TGFBR3: variants seen among roughly 807,000 people sequenced by gnomAD.
The protein encoded by TGFBR3 is transforming growth factor beta receptor type 3.
In TGFBR3, 46 loss-of-function variants were observed where a neutral mutation model predicts 87.9. The observed-to-expected ratio is 0.52, with a 90% CI of 0.41 to 0.67. The LOEUF is 0.67. Among genes scored for constraint, TGFBR3 ranks in the 30% least tolerant of loss-of-function variants. The pLI is 0.00. For synonymous variants in TGFBR3, 381 were observed against 391.6 expected, an observed-to-expected ratio of 0.97 and a Z score of 0.32; for missense variants, 866 against 1,041.9, an observed-to-expected ratio of 0.83 and a Z score of 2.32.
intron 1 of TGFBR3, among the ~76,000 whole-genome samples, chr1:91,900,618 G>T (rs534510378): frequency 6.6e-6 from 1 of 152,188 alleles, no homozygotes; most frequent in Non-Finnish European, 1.5e-5. Context: ...TCCACATCTT[G>T]ACCATTTCTA....
intron 3 of TGFBR3, among the ~76,000 whole-genome samples, chr1:91,762,261 A>C (rs1673994918): frequency 6.6e-6 from 1 of 152,166 alleles, no homozygotes; most frequent in Non-Finnish European, 1.5e-5. Context: ...CAAACCAAAC[A>C]AAAAACATCC....
chr1:91,893,275 T>C (rs1679485156), intron 2 of TGFBR3, among the ~76,000 whole-genome samples: 1 of 149,730 alleles, frequency 6.7e-6, no homozygotes, highest in Non-Finnish European at 1.5e-5. Context: ...GAAAGAAGAG[T>C]TTCTTAACTT....
chr1:91,801,042 C>T, intron 2 of TGFBR3: 1 of 207,196 alleles, frequency 4.8e-6, no homozygotes, highest in Non-Finnish European at 9.9e-6. Context: ...AAGATCGCGC[C>T]ATTGCACTCC....
intron 2 of TGFBR3, among the ~76,000 whole-genome samples, chr1:91,827,817 G>A (rs1159860453): frequency 1.3e-5 from 2 of 152,174 alleles, no homozygotes; most frequent in African/African-American, 2.4e-5. Context: ...CAAAGAGCTG[G>A]AAAGGAGCTG....
chr1:91,886,868 G>A (rs924572938), upstream of TGFBR3, among the ~76,000 whole-genome samples: 6 of 151,948 alleles, frequency 3.9e-5, no homozygotes, highest in Admixed American at 3.9e-4. Flanking sequence ...GGAGGTGGGC[G>A]CGATATGAAC....
At chr1:91,837,478 T>G (rs983512397) in intron 2 of TGFBR3, among the ~76,000 whole-genome samples, 2 of 152,122 alleles carry the variant, frequency 1.3e-5, no homozygotes, top group African/African-American at 4.8e-5. Context: ...ACTCCTGACC[T>G]CATGATCCAC....
intron 16 of TGFBR3, among the ~76,000 whole-genome samples, chr1:91,688,024 T>C (rs1671147110): frequency 6.6e-6 from 1 of 152,184 alleles, no homozygotes; most frequent in Non-Finnish European, 1.5e-5. Context: ...CTACCTTTAA[T>C]TTAGAGAAGT....
intron 16 of TGFBR3, among the ~76,000 whole-genome samples, chr1:91,693,585 G>T (rs1671335870): frequency 6.6e-6 from 1 of 152,204 alleles, no homozygotes; most frequent in Admixed American, 6.5e-5. Context: ...AGTGGGGCAT[G>T]TTCCAGTAGT....
chr1:91,806,994 T>C (rs1675859343), intron 2 of TGFBR3, among the ~76,000 whole-genome samples: 1 of 152,164 alleles, frequency 6.6e-6, no homozygotes, highest in Non-Finnish European at 1.5e-5. Flanking sequence ...AGAAGGAATG[T>C]TACCAACACA....
At chr1:91,824,075 A>G (rs1676546752) in intron 2 of TGFBR3, among the ~76,000 whole-genome samples, 2 of 152,228 alleles carry the variant, frequency 1.3e-5, no homozygotes, top group Admixed American at 6.5e-5. Flanking sequence ...GGGTGCAGTG[A>G]GCCGAGACTG....
rs761363032 is a variant in TGFBR3 at position 91,680,770 on chromosome 1, C to T, written c.*2969G>A. ...GTTACAGTACAAAAAGACTGGCACG[C>T]GTGTGAGCACCCCACACACACTCAC... On this transcript the variant is annotated 3_prime_UTR_variant, in exon 17 of 17. Transcript: ENST00000212355. 7.3e-5 allele frequency: 33 copies of T among 453,870 alleles called. No homozygotes were observed. The highest frequency in any genetic ancestry group is 2.6e-4 in the African/African-American group (13 of 49,930). 28.1% of individuals were successfully genotyped at this position (453,870 alleles called of 1,614,324 possible). A position where few individuals can be genotyped will look rare whatever the true frequency, so the allele number is the denominator to read the frequency against.
At chr1:91,799,069 C>T (rs191188915) in intron 2 of TGFBR3, among the ~76,000 whole-genome samples, 2 of 152,154 alleles carry the variant, frequency 1.3e-5, no homozygotes, top group African/African-American at 4.8e-5. Flanking sequence ...ATAGAACCCA[C>T]GAAAAAGGCC....
intron 3 of TGFBR3, among the ~76,000 whole-genome samples, chr1:91,774,735 A>G (rs1443315437): frequency 3.9e-5 from 6 of 152,154 alleles, no homozygotes; most frequent in Non-Finnish European, 7.3e-5. Flanking sequence ...CAATGTGTTA[A>G]ATATGCACTG....
In TGFBR3 at chr1:91,683,697, A is replaced by AGCTGGGCTGG. The variant is rs757760206; in HGVS notation, c.*32_*41dup. On this transcript the variant is annotated 3_prime_UTR_variant, in exon 17 of 17. Coordinates refer to ENST00000212355, the MANE Select transcript of TGFBR3 (RefSeq NM_003243.5). ...CCTGCCCTTGGCAGTAGCTGAGCTG[A>AGCTGGGCTGG]GCTGGGCTGGGCTGGGTTGGGCCGG... The AGCTGGGCTGG allele has an allele frequency of 1.5e-5, 22 of 1,478,472 alleles. No homozygotes were observed. Among genetic ancestry groups the AGCTGGGCTGG allele is most frequent in the East Asian group, 1.3e-4 (5 of 39,622 alleles). 91.6% of individuals were successfully genotyped at this position (1,478,472 alleles called of 1,614,324 possible). A position where few individuals can be genotyped will look rare whatever the true frequency, so the allele number is the denominator to read the frequency against.
intron 14 of TGFBR3, among the ~76,000 whole-genome samples, chr1:91,703,523 T>C (rs551616203): frequency 6.6e-6 from 1 of 152,298 alleles, no homozygotes; most frequent in Non-Finnish European, 1.5e-5. Flanking sequence ...TCACGGCAAA[T>C]TTTGGAATGA....
intron 3 of TGFBR3, among the ~76,000 whole-genome samples, chr1:91,761,167 A>G (rs1673947369): frequency 6.6e-6 from 1 of 152,240 alleles, no homozygotes; most frequent in Non-Finnish European, 1.5e-5. Context: ...CGGTCAAAAT[A>G]TATACTACAA....
intron 4 of TGFBR3, among the ~76,000 whole-genome samples, chr1:91,745,502 T>C (rs1432796053): frequency 6.6e-6 from 1 of 152,162 alleles, no homozygotes; most frequent in Non-Finnish European, 1.5e-5. Context: ...CTAGAACTCA[T>C]CACAGCCCCC....
intron 3 of TGFBR3, among the ~76,000 whole-genome samples, chr1:91,783,723 G>A (rs1674856541): frequency 6.6e-6 from 1 of 151,960 alleles, no homozygotes. Flanking sequence ...AGTAAACAAA[G>A]GAAAAAGCCA....
chr1:91,727,081 A>C (rs1672575854), intron 7 of TGFBR3, among the ~76,000 whole-genome samples: 1 of 152,238 alleles, frequency 6.6e-6, no homozygotes, highest in Non-Finnish European at 1.5e-5. Context: ...CTTGTCCAGC[A>C]TCATTTCACT....
Sources: allele counts gnomAD v4.1 joint callset (sites outside exome capture counted in the v4.1 genomes callset), GRCh38; gene constraint gnomAD v4.1.1; transcripts MANE v1.5; gene names NCBI Gene and HGNC (gene_info 2026-07-23, HGNC 2026-07-21).